The following NELL2 variants were observed in gnomAD, a reference collection of about 807,000 sequenced individuals.
NELL2 encodes neural EGFL like 2.
In NELL2, 41 loss-of-function variants were observed where a neutral mutation model predicts 109.6. That is an observed-to-expected ratio of 0.37 (90% CI 0.29 to 0.49). The LOEUF (loss-of-function observed/expected upper bound fraction) is 0.49, where lower values mean the gene tolerates loss of function less well. Among genes scored for constraint, NELL2 ranks in the 20% least tolerant of loss-of-function variants. The pLI, the probability that NELL2 is intolerant of heterozygous loss-of-function variation, is 0.98. For synonymous variants in NELL2, 355 were observed against 344.7 expected, an observed-to-expected ratio of 1.03 and a Z score of -0.33; for missense variants, 900 against 1,008.3, an observed-to-expected ratio of 0.89 and a Z score of 1.45.
At chr12:44,874,929 T>C (rs1000182049) in intron 2 of NELL2, 2 of 268,954 alleles carry the variant, frequency 7.4e-6, no homozygotes, top group Non-Finnish European at 7.0e-6. Context: ...TGTGTTATAA[T>C]TCATTGTTCC....
At chr12:44,558,492 G>A (rs546120256) in intron 15 of NELL2, among the ~76,000 whole-genome samples, 260 of 152,304 alleles carry the variant, frequency 1.7e-3, no homozygotes, top group African/African-American at 6.0e-3. Context: ...TAGACAGTGG[G>A]TGCAGCCCAG....
intron 5 of NELL2, among the ~76,000 whole-genome samples, chr12:44,778,518 A>G (rs1203925517): frequency 1.3e-5 from 2 of 152,192 alleles, no homozygotes; most frequent in Non-Finnish European, 2.9e-5. Flanking sequence ...AGTTGTACAC[A>G]TAATTGACAT....
At chr12:44,774,417 G>A (rs1941669157) in intron 9 of NELL2, among the ~76,000 whole-genome samples, 1 of 152,170 alleles carries the variant, frequency 6.6e-6, no homozygotes, top group Non-Finnish European at 1.5e-5. Context: ...TTGCAGCCGT[G>A]TGAACCATTC....
At chr12:44,905,223 A>G (rs898671737) in intron 1 of NELL2, among the ~76,000 whole-genome samples, 9 of 152,202 alleles carry the variant, frequency 5.9e-5, no homozygotes, top group South Asian at 2.1e-4. Flanking sequence ...CTGTACTTTC[A>G]TAACAGTTTA....
chr12:44,790,212 A>C (rs2136625780), intron 3 of NELL2, among the ~76,000 whole-genome samples: 1 of 152,326 alleles, frequency 6.6e-6, no homozygotes, highest in South Asian at 2.1e-4. Flanking sequence ...AAGAATCTTA[A>C]GAGCTGTGAA....
intron 9 of NELL2, among the ~76,000 whole-genome samples, chr12:44,769,696 A>G (rs1485101601): frequency 6.6e-6 from 1 of 152,162 alleles, no homozygotes; most frequent in Non-Finnish European, 1.5e-5. Flanking sequence ...ACATAGCCCA[A>G]ATCGGCAAAC....
At chr12:44,690,030 T>A (rs1180033182) in intron 12 of NELL2, among the ~76,000 whole-genome samples, 2 of 152,184 alleles carry the variant, frequency 1.3e-5, no homozygotes, top group South Asian at 4.1e-4. Flanking sequence ...AAGACATCAA[T>A]GTAAAACTAG....
At chr12:44,726,558 A>G (rs1281036276) in intron 9 of NELL2, among the ~76,000 whole-genome samples, 5 of 152,142 alleles carry the variant, frequency 3.3e-5, no homozygotes, top group African/African-American at 4.8e-5. Context: ...TTAAAATACA[A>G]TGATTTGCCA....
rs577966794 is a variant in NELL2, at chr12:44,745,291, G to A, written c.994+29456C>T. On this transcript the variant is annotated intron_variant, in intron 9 of 19. Transcript: ENST00000429094. ...ACTCCCAATAAATTAGATATTGATG[G>A]GACGTATCTCAAAATAATAAGCGCA... Among the ~76,000 whole-genome samples, 6 of 152,146 alleles carry A rather than the reference G, an allele frequency of 3.9e-5. No individual in the cohort carries two copies. The East Asian group carries it at 9.6e-4, about 24-fold the overall frequency.
intron 13 of NELL2, among the ~76,000 whole-genome samples, chr12:44,630,454 C>T (rs369940912): frequency 6.6e-5 from 10 of 152,120 alleles, no homozygotes; most frequent in African/African-American, 2.2e-4. Flanking sequence ...TTGAACTAAT[C>T]GATCTTCTTC....
chr12:44,754,746 A>C (rs543932396), intron 9 of NELL2, among the ~76,000 whole-genome samples: 1 of 152,358 alleles, frequency 6.6e-6, no homozygotes, highest in East Asian at 1.9e-4. Context: ...GTTATAAAAC[A>C]AGTTGACCAA....
chr12:44,899,385 G>A (rs1327698445), intron 1 of NELL2, among the ~76,000 whole-genome samples: 2 of 152,146 alleles, frequency 1.3e-5, no homozygotes, highest in Non-Finnish European at 2.9e-5. Flanking sequence ...TACCCACAAA[G>A]GGAAGCACAT....
chr12:44,750,701 A>C (rs1255342325), intron 9 of NELL2, among the ~76,000 whole-genome samples: 1 of 152,146 alleles, frequency 6.6e-6, no homozygotes, highest in African/African-American at 2.4e-5. Context: ...CAAAGCGTTC[A>C]GGAAAACCTT....
intron 19 of NELL2, 85 bp downstream of exon 19, chr12:44,519,920 T>G: frequency 1.7e-6 from 2 of 1,143,706 alleles, no homozygotes; most frequent in Non-Finnish European, 2.5e-6. Context: ...AAAACCTTCC[T>G]ATTGTCCAGG....
At chr12:44,587,284 A>AAAAAATAT in intron 15 of NELL2, among the ~76,000 whole-genome samples, 51 of 72,178 alleles carry the variant, frequency 7.1e-4, no homozygotes, top group East Asian at 1.2e-3. Context: ...AAAAAAAAAA[A>AAAAAATAT]ATATATATAT....
intron 2 of NELL2, among the ~76,000 whole-genome samples, chr12:44,857,810 T>C (rs1238830584): frequency 1.3e-5 from 2 of 152,174 alleles, no homozygotes; most frequent in Non-Finnish European, 2.9e-5. Context: ...TTTCCTAATC[T>C]GCCATTTATC....
At chr12:44,740,381 G>A (rs1939888618) in intron 9 of NELL2, among the ~76,000 whole-genome samples, 1 of 152,138 alleles carries the variant, frequency 6.6e-6, no homozygotes, top group Non-Finnish European at 1.5e-5. Flanking sequence ...GCAAAGAGAA[G>A]CAGAGGTAGA....
chr12:44,602,794 A>T (rs1308383949), intron 15 of NELL2, among the ~76,000 whole-genome samples: 2 of 152,174 alleles, frequency 1.3e-5, no homozygotes, highest in African/African-American at 4.8e-5. Context: ...ATGCCTTAAA[A>T]AAACAAATAT....
intron 13 of NELL2, among the ~76,000 whole-genome samples, chr12:44,615,432 T>C (rs1298346370): frequency 6.6e-6 from 1 of 152,160 alleles, no homozygotes; most frequent in Non-Finnish European, 1.5e-5. Flanking sequence ...TTAATCCTTA[T>C]ATTAACTAAA....
Sources: allele counts gnomAD v4.1 joint callset (sites outside exome capture counted in the v4.1 genomes callset), GRCh38; gene constraint gnomAD v4.1.1; transcripts MANE v1.5; gene names NCBI Gene and HGNC (gene_info 2026-07-23, HGNC 2026-07-21).